The following HEMK1 variants were observed in gnomAD, a reference collection of about 807,000 sequenced individuals.
HEMK1 encodes the protein MTRF1L release factor glutamine methyltransferase.
Under a neutral mutation model 47.9 loss-of-function variants are expected in HEMK1, and 36 were observed. That is an observed-to-expected ratio of 0.75 (90% CI 0.58 to 0.99). The LOEUF (loss-of-function observed/expected upper bound fraction) is 0.99. HEMK1 is among the 50% of genes least tolerant of loss of function. The probability of loss-of-function intolerance (pLI) is 0.00; values close to 1 mark genes in which losing one functional copy is unlikely to be tolerated. For missense variants in HEMK1, 383 were observed against 434.5 expected, an observed-to-expected ratio of 0.88 and a Z score of 1.05; for synonymous variants, 153 against 165.4, an observed-to-expected ratio of 0.93 and a Z score of 0.57.
At chr3:50,576,908 C>T in intron 4 of HEMK1, 144 bp from the exon 5 acceptor site, 1 of 967,290 alleles carries the variant, frequency 1.0e-6, no homozygotes, top group Non-Finnish European at 1.6e-6. Flanking sequence ...GTGACTTGGC[C>T]ATGCCCCAGC....
chr3:50,580,284 A>G (rs2030601984), intron 10 of HEMK1, 55 bp downstream of exon 10: 1 of 1,605,192 alleles, frequency 6.2e-7, no homozygotes, highest in African/African-American at 1.3e-5. Context: ...CACTGGGGCC[A>G]TCCTCAGCCC....
rs779389539 is a variant in HEMK1 at position 50,580,128 on chromosome 3, A to C, written c.879A>C (p.Leu293Phe). ...RLLKDSGSIF[L>F]EVDPRHPELV... ...CTCCCCCATGTAGTAGTATCTTCTT[A>C]GAAGTGGACCCAAGGCACCCGGAGC... The change falls in exon 10 of 11, where the codon TTA (leucine) becomes TTC (phenylalanine). Residue 293 changes from leucine (L) to phenylalanine (F), a missense_variant. Coordinates refer to ENST00000232854, the MANE Select transcript of HEMK1 (RefSeq NM_016173.5). 1.2e-6 allele frequency: 2 copies of C among 1,614,008 alleles called. No individual in the cohort carries two copies. Among genetic ancestry groups the C allele is most frequent in the South Asian group, 2.2e-5 (2 of 91,080 alleles).
chr3:50,580,536 C>T lies in HEMK1; in HGVS notation c.*119C>T. ...CCCAGGGTTCTGTGATTTCCCCATG[C>T]TCTGCATTTCTAGGATATTTCTAGG... is the stretch of plus-strand genomic sequence containing the variant. On this transcript the variant is annotated 3_prime_UTR_variant, in exon 11 of 11. Transcript: ENST00000232854. 1.0e-5 allele frequency: 10 copies of T among 1,002,438 alleles called. No individual in the cohort carries two copies. The highest frequency in any genetic ancestry group is 2.3e-5 in the Admixed American group (1 of 44,256). 62.1% of individuals were successfully genotyped at this position (1,002,438 alleles called of 1,614,324 possible).
chr3:50,575,711 C>T (rs968772005), intron 4 of HEMK1, among the ~76,000 whole-genome samples: 1 of 152,230 alleles, frequency 6.6e-6, no homozygotes, highest in Non-Finnish European at 1.5e-5. Flanking sequence ...CTCCCTGAGC[C>T]AGTCTTTCCT....
In HEMK1 at chr3:50,580,177, C is replaced by T. The variant is rs759608537; in HGVS notation, c.928C>T (p.Arg310Trp). 16 of 1,614,192 alleles carry T rather than the reference C, an allele frequency of 9.9e-6. No homozygotes were observed. Among genetic ancestry groups the T allele is most frequent in the Middle Eastern group, 1.6e-4 (1 of 6,062 alleles). ...GCTTGTCAGCAGCTGGCTTCAGAGC[C>T]GGCCTGACCTGTACCTTAATCTTGT... ...PELVSSWLQSRPDLYLNLVAV... is the reference protein window; with the variant it reads ...PELVSSWLQSWPDLYLNLVAV... The change falls in exon 10 of 11, where the codon CGG (arginine) becomes TGG (tryptophan). Residue 310 changes from arginine to tryptophan, a missense_variant. Transcript: ENST00000232854.
Position 50,577,945 on chromosome 3 carries a change from C to T in HEMK1, c.664+70C>T, listed in dbSNP as rs2029985274. On this transcript the variant is annotated intron_variant, in intron 7 of 10. Coordinates refer to ENST00000232854, the MANE Select transcript of HEMK1 (RefSeq NM_016173.5). ...GGTGCTGCTGGGTGGATGAGGCACTCCGTGGAGATGGAGGGAGAGCTCCCC... is the reference window on the plus strand; with the variant it reads ...GGTGCTGCTGGGTGGATGAGGCACTTCGTGGAGATGGAGGGAGAGCTCCCC... 4 of 1,401,594 alleles carry T rather than the reference C, an allele frequency of 2.9e-6. No individual in the cohort carries two copies. In the African/African-American group the frequency reaches 4.2e-5, roughly 15 times the overall value. The allele number at this position is 1,401,594 out of a possible 1,614,324, so 86.8% of individuals were successfully genotyped here.
intron 4 of HEMK1, among the ~76,000 whole-genome samples, chr3:50,576,434 C>G (rs1264754585): frequency 6.6e-6 from 1 of 152,208 alleles, no homozygotes; most frequent in Non-Finnish European, 1.5e-5. Flanking sequence ...GAGTGTTGCT[C>G]TGTCTCCCAG....
chr3:50,578,064 A>G (rs1336668788), intron 7 of HEMK1, among the ~76,000 whole-genome samples, 189 bp downstream of exon 7: 5 of 152,296 alleles, frequency 3.3e-5, no homozygotes, highest in Admixed American at 3.3e-4. Context: ...GAGGACAGAC[A>G]AGGTGCTTTT....
chr3:50,578,024 G>A (rs576107089), intron 7 of HEMK1, 149 bp downstream of exon 7: 21 of 765,102 alleles, frequency 2.7e-5, no homozygotes, highest in South Asian at 1.1e-4. Flanking sequence ...GTGTGTGCAC[G>A]TTTGTGGCAG....
rs1559472518 is a variant in HEMK1, at chr3:50,589,299, A to G, written c.*8882A>G. 1 of 152,282 alleles carries G rather than the reference A, an allele frequency of 6.6e-6. No homozygotes were observed. The highest frequency in any genetic ancestry group is 1.5e-5 in the Non-Finnish European group (1 of 68,052). 9.4% of individuals were successfully genotyped at this position (152,282 alleles called of 1,614,324 possible). A position where few individuals can be genotyped will look rare whatever the true frequency, so the allele number is the denominator to read the frequency against. ...TGCAGTCTCTTTGATTGACAGGGAC[A>G]GCAAGAGAAGCCTTATCTCAAGCTC... On this transcript the variant is annotated 3_prime_UTR_variant, in exon 11 of 11. Transcript: ENST00000232854.
intron 5 of HEMK1, 47 bp downstream of exon 5, chr3:50,577,233 G>C (rs1701683158): frequency 1.3e-6 from 2 of 1,574,438 alleles, no homozygotes; most frequent in Non-Finnish European, 1.7e-6. Flanking sequence ...GACACTCACT[G>C]TCCCTCCCAT....
At position 50,587,365 on chromosome 3, in the gene HEMK1, G is replaced by C. The variant is rs1000496406; in HGVS notation, c.*6948G>C. 2 of 152,274 alleles carry C rather than the reference G, an allele frequency of 1.3e-5. No individual in the cohort carries two copies. Among genetic ancestry groups the C allele is most frequent in the African/African-American group, 4.8e-5 (2 of 41,454 alleles). The allele number at this position is 152,274 out of a possible 1,614,324, so 9.4% of individuals were successfully genotyped here. On this transcript the variant is annotated 3_prime_UTR_variant, in exon 11 of 11. Transcript: ENST00000232854. This position sits in a 1 kb window ranked among gnomAD's most constrained non-coding sequence, Gnocchi z 4.2. ...TCAGGCACCAGGGAGATGATACCAAGTGGAGGGTCCTATAGAATATGGTGC... is the reference window on the plus strand; with the variant it reads ...TCAGGCACCAGGGAGATGATACCAACTGGAGGGTCCTATAGAATATGGTGC...
intron 10 of HEMK1, 72 bp from the exon 11 acceptor site, chr3:50,580,309 G>A (rs1306411717): frequency 1.9e-6 from 3 of 1,606,772 alleles, no homozygotes; most frequent in African/African-American, 2.7e-5. Context: ...TGTCAGGAGA[G>A]TGTGCTGTTC....
At position 50,580,448 on chromosome 3, in the gene HEMK1, C is replaced by T. The variant is rs776814913; in HGVS notation, c.*31C>T. ...CTGCCCTGTGGATGCCTTGTCAGTG[C>T]CGCCAGCCTGACCAGAGGGGAGGTG... On this transcript the variant is annotated 3_prime_UTR_variant, in exon 11 of 11. Transcript: ENST00000232854. 9 of 1,612,226 alleles carry T rather than the reference C, an allele frequency of 5.6e-6. No individual in the cohort carries two copies. The highest frequency in any genetic ancestry group is 1.6e-4 in the Middle Eastern group (1 of 6,078).
chr3:50,580,584 A>C lies in HEMK1; in HGVS notation c.*167A>C. On this transcript the variant is annotated 3_prime_UTR_variant, in exon 11 of 11. Coordinates refer to ENST00000232854, the MANE Select transcript of HEMK1 (RefSeq NM_016173.5). ...AGGACACCTGGATTGGCTCCATCAC[A>C]TCAGAGTGGCTGAGGGCAGTTGCTC... 1 of 701,280 alleles carries C rather than the reference A, an allele frequency of 1.4e-6. No individual in the cohort carries two copies. The highest frequency in any genetic ancestry group is 1.9e-5 in the South Asian group (1 of 53,922). 43.4% of individuals were successfully genotyped at this position (701,280 alleles called of 1,614,324 possible).
chr3:50,588,510 G>T lies in HEMK1; in HGVS notation c.*8093G>T. On this transcript the variant is annotated 3_prime_UTR_variant, in exon 11 of 11. Coordinates refer to ENST00000232854, the MANE Select transcript of HEMK1 (RefSeq NM_016173.5). ...CGTGGGCTCCAGGGTGAAGGGGAAAGTGATGAATCAAACAGAAAGCAGCAG... is the reference window on the plus strand; with the variant it reads ...CGTGGGCTCCAGGGTGAAGGGGAAATTGATGAATCAAACAGAAAGCAGCAG... 6.6e-6 allele frequency: 1 copy of T among 152,302 alleles called. No homozygotes were observed. Among genetic ancestry groups the T allele is most frequent in the East Asian group, 1.9e-4 (1 of 5,184 alleles). The allele number at this position is 152,302 out of a possible 1,614,324, so 9.4% of individuals were successfully genotyped here.
At position 50,586,934 on chromosome 3, in the gene HEMK1, G is replaced by A. The variant is rs1193956655; in HGVS notation, c.*6517G>A. On this transcript the variant is annotated 3_prime_UTR_variant, in exon 11 of 11. Transcript: ENST00000232854. Reference sequence around the variant, plus strand: ...TAGGACTACAGGTGTGAACAACCCTGCCTGGCTAATTTTTAATTTTTTTTT... The same window carrying A: ...TAGGACTACAGGTGTGAACAACCCTACCTGGCTAATTTTTAATTTTTTTTT... The A allele has an allele frequency of 1.3e-5, 2 of 151,922 alleles. No individual in the cohort carries two copies. Among genetic ancestry groups the A allele is most frequent in the African/African-American group, 4.8e-5 (2 of 41,312 alleles). The allele number at this position is 151,922 out of a possible 1,614,324, so 9.4% of individuals were successfully genotyped here.
Position 50,581,774 on chromosome 3 carries a change from A to C in HEMK1, c.*1357A>C, listed in dbSNP as rs1054862354. On this transcript the variant is annotated 3_prime_UTR_variant, in exon 11 of 11. Coordinates refer to ENST00000232854, the MANE Select transcript of HEMK1 (RefSeq NM_016173.5). ...ATATTGCTGGAGTCATACCCAGCCT[A>C]AGTGTTGCCCTGCACTATGGCTGGA... is the stretch of plus-strand genomic sequence containing the variant. The C allele has an allele frequency of 6.6e-6, 1 of 152,230 alleles. No individual in the cohort carries two copies. The highest frequency in any genetic ancestry group is 1.5e-5 in the Non-Finnish European group (1 of 68,056). 9.4% of individuals were successfully genotyped at this position (152,230 alleles called of 1,614,324 possible).
intron 4 of HEMK1, 47 bp from the exon 5 acceptor site, chr3:50,577,005 G>T (rs1701660928): frequency 6.2e-7 from 1 of 1,610,150 alleles, no homozygotes; most frequent in African/African-American, 1.3e-5. Flanking sequence ...AAGACCCCCA[G>T]GAGCCACGTT....
Sources: gnomAD v4.1 joint callset for allele counts (sites outside exome capture counted in the v4.1 genomes callset) on GRCh38, gnomAD v4.1.1 for gene constraint, Gnocchi (gnomAD v3.1) non-coding constraint, MANE v1.5 for transcripts, NCBI Gene and HGNC (gene_info 2026-07-23, HGNC 2026-07-21) for gene names.